The following NKAIN3 variants were observed in gnomAD, a reference collection of about 807,000 sequenced individuals.
NKAIN3 encodes sodium/potassium-transporting ATPase subunit beta-1-interacting protein 3.
In NKAIN3, 25 loss-of-function variants were observed where a neutral mutation model predicts 30.2. That is an observed-to-expected ratio of 0.83 (90% CI 0.60 to 1.16). The LOEUF is 1.16. Ranked by LOEUF, NKAIN3 falls within the 50% of genes most tolerant of loss-of-function variation. NKAIN3 has a pLI of 0.00. For synonymous variants in NKAIN3, 91 were observed against 89.6 expected, an observed-to-expected ratio of 1.02 and a Z score of -0.09; for missense variants, 225 against 254.1, an observed-to-expected ratio of 0.89 and a Z score of 0.78.
chr8:62,391,568 A>G (rs1160124631), intron 1 of NKAIN3, among the ~76,000 whole-genome samples: 1 of 152,068 alleles, frequency 6.6e-6, no homozygotes, highest in Non-Finnish European at 1.5e-5. Context: ...GAGAAAAGAT[A>G]CATAGAAATG....
At chr8:62,639,623 G>T (rs147900678) in intron 3 of NKAIN3, among the ~76,000 whole-genome samples, 23 of 152,228 alleles carry the variant, frequency 1.5e-4, no homozygotes, top group African/African-American at 5.5e-4. Context: ...TTGAGAAAAA[G>T]AAATTGACCT....
intron 1 of NKAIN3, among the ~76,000 whole-genome samples, chr8:62,270,896 A>G (rs1211047436): frequency 2.0e-5 from 3 of 152,198 alleles, no homozygotes; most frequent in South Asian, 2.1e-4. Context: ...GGTTGGCTCA[A>G]TTGAAGTTTA....
At chr8:62,569,752 G>A (rs1398473455) in intron 1 of NKAIN3, among the ~76,000 whole-genome samples, 1 of 151,712 alleles carries the variant, frequency 6.6e-6, no homozygotes, top group East Asian at 1.9e-4. Flanking sequence ...CTCCAGTCTG[G>A]GCAGTAGAGT....
intron 4 of NKAIN3, among the ~76,000 whole-genome samples, chr8:62,787,108 T>G (rs1817544049): frequency 6.6e-6 from 1 of 152,186 alleles, no homozygotes; most frequent in African/African-American, 2.4e-5. Context: ...TCTGTATCTG[T>G]GTACATTACA....
chr8:62,998,174 A>G (rs1804167124), intron 5 of NKAIN3, among the ~76,000 whole-genome samples: 1 of 152,242 alleles, frequency 6.6e-6, no homozygotes, highest in Non-Finnish European at 1.5e-5. Context: ...ACTGTCTTCT[A>G]TAATGGTGTC....
At chr8:62,661,053 C>T (rs577087652) in intron 3 of NKAIN3, among the ~76,000 whole-genome samples, 4 of 152,214 alleles carry the variant, frequency 2.6e-5, no homozygotes, top group Admixed American at 2.0e-4. Flanking sequence ...ATACTCAACA[C>T]AAGCAATTTG....
In NKAIN3 at chr8:62,746,032, T is replaced by G. The variant is rs1409249106; in HGVS notation, c.274-900T>G. On this transcript the variant is annotated intron_variant, in intron 3 of 6. Transcript: ENST00000623646. ...ACAAATCATCACAAAATTGATAGCTTAAACCTCAGAAATTTATTCTCTCAC... is the reference window on the plus strand; with the variant it reads ...ACAAATCATCACAAAATTGATAGCTGAAACCTCAGAAATTTATTCTCTCAC... 2.0e-5 allele frequency among the ~76,000 whole-genome samples: 3 copies of G among 152,242 alleles called. No individual in the cohort carries two copies. In the East Asian group the frequency reaches 5.8e-4, roughly 29 times the overall value.
At chr8:62,818,574 G>A (rs201468283) in intron 4 of NKAIN3, among the ~76,000 whole-genome samples, 1 of 150,086 alleles carries the variant, frequency 6.7e-6, no homozygotes, top group Non-Finnish European at 1.5e-5. Flanking sequence ...TGTTCACATA[G>A]CAAATTCTTT....
chr8:62,328,652 G>T (rs1484705043), intron 1 of NKAIN3, among the ~76,000 whole-genome samples: 2 of 152,084 alleles, frequency 1.3e-5, no homozygotes, highest in Non-Finnish European at 2.9e-5. Flanking sequence ...AATCAAATAT[G>T]TTAAAAGGAT....
intron 1 of NKAIN3, among the ~76,000 whole-genome samples, chr8:62,451,360 C>T (rs569213480): frequency 4.4e-5 from 6 of 137,514 alleles, no homozygotes; most frequent in Non-Finnish European, 6.2e-5. Flanking sequence ...TTCTCTTCAT[C>T]GAATCACCTT....
intron 1 of NKAIN3, among the ~76,000 whole-genome samples, chr8:62,551,322 A>G (rs1327776970): frequency 6.6e-6 from 1 of 152,162 alleles, no homozygotes; most frequent in Non-Finnish European, 1.5e-5. Flanking sequence ...CTGAACAGTC[A>G]TACGGCAGTA....
chr8:62,534,989 A>G (rs949115916), intron 1 of NKAIN3, among the ~76,000 whole-genome samples: 1 of 152,082 alleles, frequency 6.6e-6, no homozygotes, highest in Non-Finnish European at 1.5e-5. Context: ...CAGATGTATA[A>G]TTGGAATTCA....
chr8:62,686,966 C>T (rs986485057), intron 3 of NKAIN3, among the ~76,000 whole-genome samples: 2 of 152,072 alleles, frequency 1.3e-5, no homozygotes, highest in African/African-American at 2.4e-5. Flanking sequence ...GTAACAAATG[C>T]AATTTAATCA....
At chr8:62,325,795 C>T (rs1363254905) in intron 1 of NKAIN3, among the ~76,000 whole-genome samples, 2 of 151,790 alleles carry the variant, frequency 1.3e-5, no homozygotes. Context: ...AGCATTTTTT[C>T]GTGTTTGTTG....
intron 5 of NKAIN3, among the ~76,000 whole-genome samples, chr8:62,953,510 A>T (rs1006404410): frequency 6.6e-6 from 1 of 152,130 alleles, no homozygotes; most frequent in Non-Finnish European, 1.5e-5. Context: ...CTTTCTAATG[A>T]TGCAATACAT....
chr8:62,681,931 A>G (rs1293379397), intron 3 of NKAIN3, among the ~76,000 whole-genome samples: 2 of 152,216 alleles, frequency 1.3e-5, no homozygotes, highest in Non-Finnish European at 1.5e-5. Context: ...ATGAGGAAAG[A>G]AGAAACCAGG....
chr8:62,956,551 A>G (rs1321048497), intron 6 of NKAIN3, among the ~76,000 whole-genome samples: 1 of 152,158 alleles, frequency 6.6e-6, no homozygotes, highest in Non-Finnish European at 1.5e-5. Flanking sequence ...TCCACAGTCA[A>G]ATTGTATGGG....
At chr8:62,659,014 C>T (rs536506194) in intron 3 of NKAIN3, among the ~76,000 whole-genome samples, 19 of 152,198 alleles carry the variant, frequency 1.2e-4, no homozygotes, top group South Asian at 6.2e-4. Context: ...TCCCATAATC[C>T]GCTCATTCAT....
intron 4 of NKAIN3, among the ~76,000 whole-genome samples, chr8:62,817,190 G>A (rs1818711511): frequency 6.6e-6 from 1 of 152,044 alleles, no homozygotes; most frequent in Non-Finnish European, 1.5e-5. Flanking sequence ...ATCTTTTTTT[G>A]TGGAGGAGGT....
Sources: allele counts gnomAD v4.1 joint callset (sites outside exome capture counted in the v4.1 genomes callset), GRCh38; gene constraint gnomAD v4.1.1; transcripts MANE v1.5; gene names NCBI Gene and HGNC (gene_info 2026-07-23, HGNC 2026-07-21).